Variants in DZIP1 observed in about 807,000 individuals in gnomAD.
DZIP1 encodes DAZ interacting zinc finger protein 1.
Under a neutral mutation model 107.6 loss-of-function variants are expected in DZIP1, and 97 were observed. The ratio of observed to expected loss-of-function variants is 0.90; its 90% confidence interval spans 0.77 to 1.07. The LOEUF (loss-of-function observed/expected upper bound fraction) is 1.07, where lower values mean the gene tolerates loss of function less well. DZIP1 is among the 50% of genes least tolerant of loss of function. The pLI is 0.00. For synonymous variants in DZIP1, 390 were observed against 386.4 expected, an observed-to-expected ratio of 1.01 and a Z score of -0.11; for missense variants, 1,035 against 1,063.6, an observed-to-expected ratio of 0.97 and a Z score of 0.37.
intron 6 of DZIP1, 112 bp downstream of exon 6, chr13:95,633,122 G>A (rs1411679246): frequency 7.2e-6 from 7 of 969,734 alleles, no homozygotes; most frequent in Non-Finnish European, 1.1e-5. Flanking sequence ...GAATTGACAG[G>A]GACCGTGATG....
intron 12 of DZIP1, among the ~76,000 whole-genome samples, chr13:95,610,093 T>A (rs2044936669): frequency 6.3e-5 from 5 of 79,610 alleles, no homozygotes; most frequent in South Asian, 4.2e-4. Flanking sequence ...TGTGTGTGTG[T>A]GTGTGTGTGT....
At chr13:95,602,457 A>G (rs1188176760) in intron 14 of DZIP1, among the ~76,000 whole-genome samples, 1 of 152,152 alleles carries the variant, frequency 6.6e-6, no homozygotes, top group Non-Finnish European at 1.5e-5. Flanking sequence ...GGTCTCCTTT[A>G]TAAGCTGTAA....
At chr13:95,602,414 G>A (rs1385553688) in intron 14 of DZIP1, among the ~76,000 whole-genome samples, 1 of 152,116 alleles carries the variant, frequency 6.6e-6, no homozygotes, top group Non-Finnish European at 1.5e-5. Context: ...ATTTCTCAGT[G>A]GCTCTCACCT....
At chr13:95,603,306 CAAAAAAAAAAAA>C (rs34995131) in intron 14 of DZIP1, among the ~76,000 whole-genome samples, 30 of 47,972 alleles carry the variant, frequency 6.3e-4, no homozygotes, top group Middle Eastern at 0.021. Flanking sequence ...TGCCCAGTCT[CAAAAAAAAAAAA>C]AAAAAAAAAA....
chr13:95,590,045 T>G, intron 17 of DZIP1, 113 bp from the exon 18 acceptor site: 1 of 1,370,264 alleles, frequency 7.3e-7, no homozygotes, highest in Non-Finnish European at 9.8e-7. Context: ...CAATCCCATC[T>G]CTAGGGTTTA....
chr13:95,642,887 T>C (rs1281668134), intron 3 of DZIP1, among the ~76,000 whole-genome samples, 156 bp downstream of exon 3: 1 of 152,084 alleles, frequency 6.6e-6, no homozygotes, highest in Non-Finnish European at 1.5e-5. Context: ...TATAACATTT[T>C]GATAAAAGTA....
intron 11 of DZIP1, 21 bp from the exon 12 acceptor site, chr13:95,611,514 C>G (rs779149683): frequency 1.9e-6 from 3 of 1,584,734 alleles, no homozygotes; most frequent in Admixed American, 3.3e-5. Flanking sequence ...ATACAGTCTT[C>G]TAGTGATACA....
At chr13:95,631,832 C>T (rs139100856) in intron 6 of DZIP1, among the ~76,000 whole-genome samples, 9 of 152,270 alleles carry the variant, frequency 5.9e-5, no homozygotes, top group African/African-American at 1.2e-4. Context: ...GGACCACTCC[C>T]TCATGATACT....
intron 5 of DZIP1, among the ~76,000 whole-genome samples, chr13:95,634,153 C>CA (rs1275489501): frequency 6.6e-6 from 1 of 152,180 alleles, no homozygotes; most frequent in Non-Finnish European, 1.5e-5. Context: ...ATGCCAATCT[C>CA]AGAGGCTTTG....
At chr13:95,622,189 T>C (rs1381282777) in intron 9 of DZIP1, among the ~76,000 whole-genome samples, 154 bp downstream of exon 9, 1 of 152,236 alleles carries the variant, frequency 6.6e-6, no homozygotes, top group East Asian at 1.9e-4. Context: ...ACACCTCTTA[T>C]GATTTAGGCA....
chr13:95,610,111 T>TGTGTGTGTGTGAGA (rs368276400), intron 12 of DZIP1, among the ~76,000 whole-genome samples: 20 of 126,770 alleles, frequency 1.6e-4, no homozygotes, highest in Non-Finnish European at 3.1e-4. Flanking sequence ...TGTGTGTGTG[T>TGTGTGTGTGTGAGA]GAGAGAGAGA....
chr13:95,638,339 C>T (rs1267940843), intron 5 of DZIP1, among the ~76,000 whole-genome samples: 7 of 152,050 alleles, frequency 4.6e-5, no homozygotes, highest in African/African-American at 1.4e-4. Context: ...ATCTGCCTGC[C>T]TTGGCCTCCC....
chr13:95,606,210 T>A, intron 13 of DZIP1, 151 bp from the exon 14 acceptor site: 1 of 624,668 alleles, frequency 1.6e-6, no homozygotes, highest in Admixed American at 3.0e-5. Context: ...ATTACACAAC[T>A]AACATAAACT....
chr13:95,593,903 A>C, intron 16 of DZIP1, 41 bp downstream of exon 16: 1 of 1,571,024 alleles, frequency 6.4e-7, no homozygotes, highest in Non-Finnish European at 8.6e-7. Flanking sequence ...AAAACAAAAC[A>C]CAGCAAAACT....
Position 95,624,873 on chromosome 13 carries a change from C to T in DZIP1, c.867G>A (p.Trp289Ter). 6.2e-7 allele frequency: 1 copy of T among 1,612,644 alleles called. No homozygotes were observed. Among genetic ancestry groups the T allele is most frequent in the Non-Finnish European group, 8.5e-7 (1 of 1,179,316 alleles). The change falls in exon 8 of 23, where the codon TGG becomes TGA. Residue 289 changes from tryptophan (W) to a stop codon, truncating the protein, a stop_gained. Transcript: ENST00000376829. LOFTEE classifies it high-confidence loss of function. ...EEDFLKLFDR[W>*]KEEEKEKLVD... ...CTAGTTTCTCCTTTTCTTCTTCTTT[C>T]CACCTGTCAAATAACTTCAAAAAGT...
chr13:95,590,158 G>C, intron 17 of DZIP1, 121 bp downstream of exon 17: 1 of 1,120,296 alleles, frequency 8.9e-7, no homozygotes, highest in Non-Finnish European at 1.3e-6. Flanking sequence ...GTGAAGTGGC[G>C]AAGTTTGTTA....
At chr13:95,610,247 A>G (rs2044952464) in intron 12 of DZIP1, among the ~76,000 whole-genome samples, 2 of 151,928 alleles carry the variant, frequency 1.3e-5, no homozygotes, top group African/African-American at 4.8e-5. Flanking sequence ...GTAACCCCCA[A>G]ACAGCCACAG....
At position 95,622,468 on chromosome 13, in the gene DZIP1, T is replaced by G. The variant is rs1594715711; in HGVS notation, c.985A>C (p.Ile329Leu). 1 of 1,614,186 alleles carries G rather than the reference T, an allele frequency of 6.2e-7. No individual in the cohort carries two copies. The highest frequency in any genetic ancestry group is 1.1e-5 in the South Asian group (1 of 91,078). ...NSALEYQLSE[I>L]QKSNMQIKSN... The stretch of plus-strand genomic sequence containing the variant: ...TTGATCTGCATATTGGACTTCTGGA[T>G]TTCTGACAGTTGCTATAAGATAAAA... The change falls in exon 9 of 23, where the codon ATC (isoleucine) becomes CTC (leucine). Residue 329 changes from isoleucine to leucine, a missense_variant. Physicochemically the swap from Ile to Leu is conservative, Grantham distance 5. Coordinates refer to ENST00000376829, the MANE Select transcript of DZIP1 (RefSeq NM_198968.4).
chr13:95,637,121 T>C (rs773279822), intron 5 of DZIP1: 1 of 152,064 alleles, frequency 6.6e-6, no homozygotes, highest in Non-Finnish European at 1.5e-5. Flanking sequence ...CTTGATAGAG[T>C]TGAAGAAATG....
Sources: allele counts gnomAD v4.1 joint callset (sites outside exome capture counted in the v4.1 genomes callset), GRCh38; gene constraint gnomAD v4.1.1; transcripts MANE v1.5; gene names NCBI Gene and HGNC (gene_info 2026-07-23, HGNC 2026-07-21).